Variants in BMPR1A observed in about 807,000 individuals in gnomAD.
The protein encoded by BMPR1A is bone morphogenetic protein receptor type 1A.
A neutral mutation model predicts 66.0 loss-of-function variants in BMPR1A; 7 were observed. The ratio of observed to expected loss-of-function variants is 0.11; its 90% CI spans 0.06 to 0.20. The LOEUF is 0.20. BMPR1A is among the 10% of genes least tolerant of loss of function. BMPR1A has a pLI of 1.00. For missense variants in BMPR1A, 408 were observed against 669.1 expected, an observed-to-expected ratio of 0.61 and a Z score of 4.31; for synonymous variants, 200 against 229.7, an observed-to-expected ratio of 0.87 and a Z score of 1.17.
chr10:86,902,007 C>T (rs1843317734), intron 7 of BMPR1A, among the ~76,000 whole-genome samples: 1 of 152,014 alleles, frequency 6.6e-6, no homozygotes, highest in Non-Finnish European at 1.5e-5. Context: ...TACAGGTATG[C>T]ACTGCCACAC....
chr10:86,854,491 A>G (rs182283048), intron 2 of BMPR1A, among the ~76,000 whole-genome samples: 2 of 152,240 alleles, frequency 1.3e-5, no homozygotes, highest in Non-Finnish European at 2.9e-5. Flanking sequence ...AAAGACAGGC[A>G]TAAGAAATTA....
intron 2 of BMPR1A, among the ~76,000 whole-genome samples, chr10:86,840,652 C>A (rs540867729): frequency 6.6e-6 from 1 of 152,126 alleles, no homozygotes; most frequent in Admixed American, 6.5e-5. Flanking sequence ...CATCTGTTTA[C>A]AGATGGCTCA....
intron 3 of BMPR1A, among the ~76,000 whole-genome samples, chr10:86,883,785 A>G (rs1323588250): frequency 6.6e-6 from 1 of 152,140 alleles, no homozygotes; most frequent in African/African-American, 2.4e-5. Context: ...AAAAAAAACA[A>G]AAAGCAAAAT....
In BMPR1A at chr10:86,799,084, T is replaced by C. The variant is rs1006716743; in HGVS notation, c.-267-39781T>C. Among the ~76,000 whole-genome samples the C allele has an allele frequency of 4.6e-5, 7 of 152,310 alleles. No homozygotes were observed. In the East Asian group the frequency reaches 9.6e-4, roughly 21 times the overall value. On this transcript the variant is annotated intron_variant, in intron 1 of 12. Coordinates refer to ENST00000372037, the MANE Select transcript of BMPR1A (RefSeq NM_004329.3). ...GGATGTCAGGGAACATTAGTGAAAA[T>C]GGAGAACTTAAGGAGTTAAAGTTTT...
intron 1 of BMPR1A, among the ~76,000 whole-genome samples, chr10:86,830,496 A>G (rs1842253544): frequency 6.6e-6 from 1 of 152,144 alleles, no homozygotes; most frequent in South Asian, 2.1e-4. Flanking sequence ...TCGTGTCCAC[A>G]TTTGGTGTTG....
chr10:86,759,105 G>C (rs774811227), intron 1 of BMPR1A, among the ~76,000 whole-genome samples: 3 of 152,150 alleles, frequency 2.0e-5, no homozygotes, highest in Non-Finnish European at 4.4e-5. Flanking sequence ...TGTGGTGGTG[G>C]GAGAATCTGG....
chr10:86,772,931 T>C (rs906972470), intron 1 of BMPR1A, among the ~76,000 whole-genome samples: 7 of 152,198 alleles, frequency 4.6e-5, no homozygotes, highest in Admixed American at 4.6e-4. Flanking sequence ...ATAAACATTT[T>C]GGTATATATA....
chr10:86,894,413 G>T (rs1011227438), intron 5 of BMPR1A, among the ~76,000 whole-genome samples: 10 of 152,184 alleles, frequency 6.6e-5, no homozygotes, highest in African/African-American at 2.4e-4. Flanking sequence ...AATTTGTTGG[G>T]ATTTAAAGGA....
chr10:86,808,713 A>G (rs1841925578), intron 1 of BMPR1A, among the ~76,000 whole-genome samples: 2 of 152,254 alleles, frequency 1.3e-5, no homozygotes, highest in South Asian at 4.1e-4. Context: ...GTGAAGTGCT[A>G]CAGTTTTGAT....
chr10:86,923,695 T>C lies in BMPR1A; in HGVS notation c.1575T>C (p.Val525=). The change falls in exon 13 of 13, where the codon GTT becomes GTC. Residue 525 remains valine (V), a synonymous_variant. Coordinates refer to ENST00000372037, the MANE Select transcript of BMPR1A (RefSeq NM_004329.3). ...LRIKKTLAKM[V]ESQDVKI is the part of the protein sequence containing the mutation. Reference sequence around the variant, plus strand: ...TTAAGAAGACGCTTGCCAAGATGGTTGAATCCCAAGATGTAAAAATCTGAT... The same window carrying C: ...TTAAGAAGACGCTTGCCAAGATGGTCGAATCCCAAGATGTAAAAATCTGAT... 2 of 1,613,992 alleles carry C rather than the reference T, an allele frequency of 1.2e-6. No homozygotes were observed. Among genetic ancestry groups the C allele is most frequent in the Non-Finnish European group, 1.7e-6 (2 of 1,180,056 alleles).
intron 1 of BMPR1A, among the ~76,000 whole-genome samples, chr10:86,787,882 G>GCCCC (rs34964359): frequency 6.7e-6 from 1 of 149,436 alleles, no homozygotes; most frequent in African/African-American, 2.5e-5. Context: ...GGGGAAATCT[G>GCCCC]CCCCCCCCCA....
chr10:86,849,341 A>G (rs576165901), intron 2 of BMPR1A, among the ~76,000 whole-genome samples: 1 of 152,300 alleles, frequency 6.6e-6, no homozygotes, highest in African/African-American at 2.4e-5. Context: ...CCAGTCTGGA[A>G]TGCCTCTCTC....
chr10:86,931,752 A>G (rs1315858699), downstream of BMPR1A: 2 of 152,180 alleles, frequency 1.3e-5, no homozygotes, highest in African/African-American at 4.8e-5. Flanking sequence ...ATATCTAAAT[A>G]TATTCATTCT....
intron 2 of BMPR1A, among the ~76,000 whole-genome samples, chr10:86,844,775 T>TTTTATTTATTTA (rs771614164): frequency 5.3e-5 from 8 of 152,152 alleles, no homozygotes; most frequent in African/African-American, 1.4e-4. Context: ...AACTATTATT[T>TTTTATTTATTTA]TTTATTTATT....
chr10:86,871,483 A>G (rs781213993), intron 2 of BMPR1A, among the ~76,000 whole-genome samples: 4 of 152,206 alleles, frequency 2.6e-5, no homozygotes, highest in Non-Finnish European at 5.9e-5. Flanking sequence ...CACTGTTTCC[A>G]TAGGACTCCA....
intron 7 of BMPR1A, among the ~76,000 whole-genome samples, chr10:86,910,113 A>T (rs1056670212): frequency 6.6e-6 from 1 of 152,110 alleles, no homozygotes; most frequent in Non-Finnish European, 1.5e-5. Flanking sequence ...CAGGTGGATC[A>T]TTTGAGGTTA....
intron 1 of BMPR1A, among the ~76,000 whole-genome samples, chr10:86,837,231 C>CTGTGTGTCTGTGTGTGTGTG (rs1842361680): frequency 1.4e-5 from 2 of 143,646 alleles, no homozygotes; most frequent in Non-Finnish European, 3.0e-5. Context: ...TAGAATCAGG[C>CTGTGTGTCTGTGTGTGTGTG]TGTGTGTGTG....
chr10:86,799,790 G>A (rs989502117), intron 1 of BMPR1A, among the ~76,000 whole-genome samples: 1 of 151,976 alleles, frequency 6.6e-6, no homozygotes, highest in Non-Finnish European at 1.5e-5. Context: ...CACCCACTTC[G>A]ACCTCCCAGC....
In BMPR1A at chr10:86,912,399, C is replaced by T; in HGVS notation, c.675+15C>T. 2 of 1,613,644 alleles carry T rather than the reference C, an allele frequency of 1.2e-6. No homozygotes were observed. The highest frequency in any genetic ancestry group is 1.1e-5 in the South Asian group (1 of 91,050). ...TACCTTTATTGGTAAGTTAAACGTT[C>T]CTATAGACATGAATGGTGTGTTGAT... On this transcript the variant is annotated intron_variant, in intron 8 of 12. Transcript: ENST00000372037.
Sources: gnomAD v4.1 joint callset for allele counts (sites outside exome capture counted in the v4.1 genomes callset) on GRCh38, gnomAD v4.1.1 for gene constraint, MANE v1.5 for transcripts, NCBI Gene and HGNC (gene_info 2026-07-23, HGNC 2026-07-21) for gene names.